The following ANKRD20A1 variants were observed in gnomAD, a reference collection of about 807,000 sequenced individuals.
ANKRD20A1 encodes ankyrin repeat domain-containing protein 20A1.
A neutral mutation model predicts 50.9 loss-of-function variants in ANKRD20A1; 2 were observed. The ratio of observed to expected loss-of-function variants is 0.04; its 90% confidence interval spans 0.02 to 0.12. The LOEUF (loss-of-function observed/expected upper bound fraction) is 0.12, where lower values mean the gene tolerates loss of function less well. Ranked by LOEUF, ANKRD20A1 falls within the 10% of genes least tolerant of loss-of-function variation. The pLI is 1.00. For missense variants in ANKRD20A1, 31 were observed against 548.1 expected (o/e 0.06, Z 9.42); for synonymous variants, 10 against 186.2 (o/e 0.05, Z 7.70).
intron 8 of ANKRD20A1, among the ~76,000 whole-genome samples, chr9:67,881,302 C>A (rs1170282043): frequency 6.9e-6 from 1 of 144,226 alleles, no homozygotes; most frequent in Non-Finnish European, 1.5e-5. Flanking sequence ...ATGTGTATTG[C>A]AAAGGAATTT....
intron 8 of ANKRD20A1, 36 bp from the exon 9 acceptor site, chr9:67,884,449 AT>A (rs1827842476): frequency 6.5e-7 from 1 of 1,547,892 alleles, no homozygotes; most frequent in South Asian, 1.1e-5. Context: ...ACTCATTATA[AT>A]TTTAAAATGG....
At chr9:67,877,553 A>G (rs1452126656) in intron 6 of ANKRD20A1, among the ~76,000 whole-genome samples, 1 of 151,406 alleles carries the variant, frequency 6.6e-6, no homozygotes, top group African/African-American at 2.4e-5. Context: ...AAGCATACAT[A>G]CAAGTGTGCA....
chr9:67,886,544 T>C, intron 9 of ANKRD20A1, among the ~76,000 whole-genome samples: 1 of 87,438 alleles, frequency 1.1e-5, no homozygotes, highest in African/African-American at 3.5e-5. Flanking sequence ...GTTTTCTTTT[T>C]TGATAAATAT....
At chr9:67,872,532 A>G (rs1029676529) in intron 6 of ANKRD20A1, among the ~76,000 whole-genome samples, 3 of 129,202 alleles carry the variant, frequency 2.3e-5, no homozygotes, top group African/African-American at 8.5e-5. Flanking sequence ...GGTTTAAATC[A>G]TGTTTTCAGT....
intron 11 of ANKRD20A1, among the ~76,000 whole-genome samples, chr9:67,892,668 C>T (rs1211943939): frequency 7.0e-6 from 1 of 143,306 alleles, no homozygotes; most frequent in African/African-American, 2.5e-5. Flanking sequence ...CTCTATCACC[C>T]AGGGTGGAGT....
At chr9:67,872,376 G>A (rs1369153180) in intron 6 of ANKRD20A1, among the ~76,000 whole-genome samples, 5 of 132,872 alleles carry the variant, frequency 3.8e-5, no homozygotes, top group African/African-American at 1.4e-4. Context: ...GCACACACCT[G>A]TGCACACAGA....
chr9:67,878,731 CT>C (rs909600551), intron 7 of ANKRD20A1, among the ~76,000 whole-genome samples: 2 of 54,286 alleles, frequency 3.7e-5, no homozygotes, highest in Non-Finnish European at 4.8e-5. Flanking sequence ...GTTTAGGATG[CT>C]TTTTTTTAGA....
chr9:67,885,152 GAGAA>G (rs1294463753), intron 9 of ANKRD20A1, among the ~76,000 whole-genome samples: 14 of 152,306 alleles, frequency 9.2e-5, no homozygotes, highest in African/African-American at 3.1e-4. Context: ...AATGAATAAA[GAGAA>G]AGAAAGAATG....
Position 67,882,371 on chromosome 9 carries a change from TTAAA to T in ANKRD20A1, c.894+1829_894+1832del, listed in dbSNP as rs1255484125. On this transcript the variant is annotated intron_variant, in intron 8 of 14. Transcript: ENST00000562196. ...ATAATAAACCTAATGTAGCTAATAA[TTAAA>T]TATTGTATTTAAAATATTGCTTACA... Among the ~76,000 whole-genome samples, 10 of 147,912 alleles carry T rather than the reference TTAAA, an allele frequency of 6.8e-5. No homozygotes were observed. In the East Asian group the frequency reaches 8.7e-4, roughly 13 times the overall value.
chr9:67,862,934 C>G lies in ANKRD20A1; in HGVS notation c.204-7C>G. On this transcript the variant is annotated splice_polypyrimidine_tract_variant and splice_region_variant and intron_variant, in intron 1 of 14. Transcript: ENST00000562196. Reference sequence around the variant, plus strand: ...CAGTTTCTTAAAAAATCCTCTTACTCTCATAGAACTGCTCTACACTTGGCC... The same window carrying G: ...CAGTTTCTTAAAAAATCCTCTTACTGTCATAGAACTGCTCTACACTTGGCC... 1 of 585,694 alleles carries G rather than the reference C, an allele frequency of 1.7e-6. No individual in the cohort carries two copies. The highest frequency in any genetic ancestry group is 2.4e-6 in the Non-Finnish European group (1 of 425,466). 36.3% of individuals were successfully genotyped at this position (585,694 alleles called of 1,614,324 possible).
At chr9:67,868,753 A>AT (rs1167527008) in intron 5 of ANKRD20A1, among the ~76,000 whole-genome samples, 187 bp downstream of exon 5, 1 of 71,024 alleles carries the variant, frequency 1.4e-5, no homozygotes, top group Non-Finnish European at 3.1e-5. Context: ...AGAGTGCGAG[A>AT]TTTTTTCTGG....
At chr9:67,865,590 A>G (rs1430889410) in intron 3 of ANKRD20A1, among the ~76,000 whole-genome samples, 1 of 148,514 alleles carries the variant, frequency 6.7e-6, no homozygotes, top group Non-Finnish European at 1.5e-5. Context: ...TATAAGTTGA[A>G]TCAACATGTA....
chr9:67,884,540 G>A lies in ANKRD20A1; in HGVS notation c.949G>A (p.Gly317Arg), dbSNP rs755710837. ...EPLPGSSHEK[G>R]NRIVNGQGEG... ...TTTACCTGGATCTTCGCATGAAAAAGGAAACAGAATAGTCAATGGACAAGG... is the reference window on the plus strand; with the variant it reads ...TTTACCTGGATCTTCGCATGAAAAAAGAAACAGAATAGTCAATGGACAAGG... The change falls in exon 9 of 15, where the codon GGA becomes AGA. Residue 317 changes from glycine (G) to arginine (R), a missense_variant. By Grantham distance (125) the Gly-to-Arg change is moderately radical. Transcript: ENST00000562196. 2.5e-6 allele frequency: 4 copies of A among 1,591,684 alleles called. No homozygotes were observed. The highest frequency in any genetic ancestry group is 3.4e-6 in the Non-Finnish European group (4 of 1,178,420).
At position 67,892,785 on chromosome 9, in the gene ANKRD20A1, C is replaced by G. The variant is rs1236246815; in HGVS notation, c.1082-651C>G. 1.8e-4 allele frequency among the ~76,000 whole-genome samples: 16 copies of G among 88,416 alleles called. 5 individuals are homozygous for G. The highest frequency in any genetic ancestry group is 4.4e-4 in the Admixed American group (3 of 6,756). The allele number at this position is 88,416 out of a possible 152,430, so 58.0% of individuals were successfully genotyped here. On this transcript the variant is annotated intron_variant, in intron 11 of 14. Transcript: ENST00000562196. ...GGACTACAAGCACATATCAACATAC[C>G]TGTCCAATTTTTTGTAGAGTCAAGG...
At chr9:67,882,534 A>C in intron 8 of ANKRD20A1, among the ~76,000 whole-genome samples, 2 of 150,086 alleles carry the variant, frequency 1.3e-5, no homozygotes, top group Non-Finnish European at 3.0e-5. Flanking sequence ...TTCTAGTATC[A>C]TTCAACTGGA....
intron 4 of ANKRD20A1, among the ~76,000 whole-genome samples, chr9:67,868,158 A>AC: frequency 1.1e-5 from 1 of 88,866 alleles, no homozygotes; most frequent in Non-Finnish European, 2.5e-5. Context: ...TTTCTTGGCC[A>AC]TCAAAGGACT....
chr9:67,865,654 A>G (rs1827553344), intron 3 of ANKRD20A1, among the ~76,000 whole-genome samples: 1 of 139,174 alleles, frequency 7.2e-6, no homozygotes, highest in South Asian at 2.3e-4. Context: ...CTAAAAAATC[A>G]AATCTGGTGT....
chr9:67,860,006 T>TA (rs201612587), intron 1 of ANKRD20A1, among the ~76,000 whole-genome samples: 12,019 of 24,150 alleles, frequency 0.5, 5,348 homozygotes, highest in Middle Eastern at 0.67. Flanking sequence ...TATATATATA[T>TA]TTTTTTTTCA....
intron 9 of ANKRD20A1, among the ~76,000 whole-genome samples, chr9:67,885,308 C>T (rs1433101983): frequency 2.6e-5 from 4 of 152,400 alleles, no homozygotes; most frequent in African/African-American, 9.6e-5. Flanking sequence ...GCTTCCAGTA[C>T]CAAAATGTGT....
Sources: gnomAD v4.1 joint callset for allele counts (sites outside exome capture counted in the v4.1 genomes callset) on GRCh38, gnomAD v4.1.1 for gene constraint, MANE v1.5 for transcripts, NCBI Gene and HGNC (gene_info 2026-07-23, HGNC 2026-07-21) for gene names.